Variants in NBPF11 observed in about 807,000 individuals in gnomAD.
NBPF11 encodes the protein NBPF family member NBPF11.
Under a neutral mutation model 93.9 loss-of-function variants are expected in NBPF11, and 72 were observed. That is an observed-to-expected ratio of 0.77 (90% CI 0.63 to 0.93). NBPF11 has a LOEUF of 0.93. Among genes scored for constraint, NBPF11 ranks in the 40% least tolerant of loss-of-function variants. The pLI is 0.00. For missense variants in NBPF11, 705 were observed against 802.2 expected (o/e 0.88, Z 1.46); for synonymous variants, 224 against 304.9 (o/e 0.73, Z 2.76).
chr1:148,122,707 G>A (rs1468721792), intron 8 of NBPF11, 22 bp downstream of exon 8: 9 of 1,607,956 alleles, frequency 5.6e-6, no homozygotes, highest in Non-Finnish European at 7.7e-6. Flanking sequence ...CCCATTACTT[G>A]CTCCTGAGTA....
chr1:148,124,792 C>T lies in NBPF11; in HGVS notation c.278+107G>A, dbSNP rs1354929047. On this transcript the variant is annotated intron_variant, in intron 6 of 23. Transcript: ENST00000682118. Reference sequence around the variant, plus strand: ...TGTCATGAGCCTGCCATGGCAATTTCTGCCCTTCCCCTGGCCCAGCTTCGT... The same window carrying T: ...TGTCATGAGCCTGCCATGGCAATTTTTGCCCTTCCCCTGGCCCAGCTTCGT... The T allele has an allele frequency of 2.7e-3, 2,899 of 1,083,062 alleles. 19 individuals are homozygous for T. In the East Asian group the frequency reaches 0.029, roughly 11 times the overall value. The allele number at this position is 1,083,062 out of a possible 1,614,324, so 67.1% of individuals were successfully genotyped here. A position where few individuals can be genotyped will look rare whatever the true frequency, so the allele number is the denominator to read the frequency against.
chr1:148,105,311 A>T, intron 22 of NBPF11, 49 bp downstream of exon 22: 1 of 738,966 alleles, frequency 1.4e-6, no homozygotes, highest in South Asian at 1.4e-5. Flanking sequence ...TATGATCTTT[A>T]TATGGAAGAC....
chr1:148,106,795 A>T, intron 20 of NBPF11, 147 bp downstream of exon 20: 1 of 695,018 alleles, frequency 1.4e-6, no homozygotes, highest in Non-Finnish European at 2.6e-6. Context: ...AGCTGAGACT[A>T]CAGTTTCATT....
chr1:148,148,666 G>A (rs1647368090), intron 1 of NBPF11, among the ~76,000 whole-genome samples: 2 of 152,032 alleles, frequency 1.3e-5, no homozygotes, highest in Non-Finnish European at 2.9e-5. Flanking sequence ...GACATTTGGG[G>A]ACACAGCTGC....
intron 1 of NBPF11, among the ~76,000 whole-genome samples, chr1:148,143,932 C>A (rs1445337170): frequency 6.8e-6 from 1 of 147,118 alleles, no homozygotes; most frequent in Non-Finnish European, 1.5e-5. Flanking sequence ...TGGTGGCGCA[C>A]ACTTGCACTC....
intron 15 of NBPF11, among the ~76,000 whole-genome samples, chr1:148,111,395 G>C (rs1222059570): frequency 6.6e-6 from 1 of 152,056 alleles, no homozygotes; most frequent in African/African-American, 2.4e-5. Context: ...GCAGGATAGA[G>C]AATGACTTTG....
At chr1:148,145,473 G>A (rs1672850964) in intron 1 of NBPF11, among the ~76,000 whole-genome samples, 1 of 143,660 alleles carries the variant, frequency 7.0e-6, no homozygotes, top group African/African-American at 2.6e-5. Context: ...GCCTCCCACA[G>A]TGCTGGGATT....
At position 148,116,608 on chromosome 1, in the gene NBPF11, A is replaced by G; in HGVS notation, c.1307-73T>C. The G allele has an allele frequency of 8.0e-6, 5 of 622,990 alleles. 1 individual carries two copies. In the East Asian group the frequency reaches 1.4e-4, roughly 17 times the overall value. 38.6% of individuals were successfully genotyped at this position (622,990 alleles called of 1,614,324 possible). ...GCAAGCACAGTCAGCCCAATGTGCA[A>G]CAGGGACATGAACATCTAGGCATGG... On this transcript the variant is annotated intron_variant, in intron 12 of 23. Transcript: ENST00000682118.
chr1:148,150,494 G>C (rs1264619447), intron 1 of NBPF11, among the ~76,000 whole-genome samples: 6 of 148,790 alleles, frequency 4.0e-5, no homozygotes, highest in African/African-American at 1.5e-4. Flanking sequence ...AAATCTTAAA[G>C]CTAGCATTTT....
At chr1:148,117,038 T>G (rs3992638) in intron 12 of NBPF11, among the ~76,000 whole-genome samples, 1 of 152,206 alleles carries the variant, frequency 6.6e-6, no homozygotes, top group Non-Finnish European at 1.5e-5. Flanking sequence ...TACCACAAAA[T>G]GCCCCCACAT....
chr1:148,103,673 T>G lies in NBPF11; in HGVS notation c.*223A>C, dbSNP rs1662812956. Reference sequence around the variant, plus strand: ...TCTCGGCTTAGTAAGGGCTGCTTATTGTGGGAATATGACTCCCATCTGGAA... The same window carrying G: ...TCTCGGCTTAGTAAGGGCTGCTTATGGTGGGAATATGACTCCCATCTGGAA... On this transcript the variant is annotated 3_prime_UTR_variant, in exon 24 of 24. Coordinates refer to ENST00000682118, the MANE Select transcript of NBPF11 (RefSeq NM_001385469.3). The G allele has an allele frequency of 6.2e-7, 1 of 1,611,116 alleles. No individual in the cohort carries two copies. The highest frequency in any genetic ancestry group is 1.3e-5 in the African/African-American group (1 of 74,750).
intron 16 of NBPF11, 53 bp from the exon 17 acceptor site, chr1:148,109,388 A>G: frequency 1.1e-6 from 1 of 906,088 alleles, no homozygotes; most frequent in Non-Finnish European, 1.8e-6. Context: ...TTCCTTGCAC[A>G]CAGAAACATT....
chr1:148,115,164 CAAAAAAAAAAAAAAAAAAAAAA>C (rs57869119), intron 14 of NBPF11, among the ~76,000 whole-genome samples: 3 of 12,160 alleles, frequency 2.5e-4, no homozygotes, highest in Non-Finnish European at 3.9e-4. Flanking sequence ...GACTCCATCA[CAAAAAAAAAAAAAAAAAAAAAA>C]AAAAAAAAAA....
Position 148,149,303 on chromosome 1 carries a change from G to T in NBPF11, c.-549+2447C>A. ...CTCGGGCATGCGCGTCGCCTTCCGC[G>T]ACACCAAGAAGACCTACTGCTTCGA... On this transcript the variant is annotated intron_variant, in intron 1 of 23. Transcript: ENST00000682118. The T allele has an allele frequency of 8.1e-6, 13 of 1,596,932 alleles. 1 individual carries two copies. The highest frequency in any genetic ancestry group is 1.1e-5 in the Non-Finnish European group (13 of 1,179,594).
intron 9 of NBPF11, among the ~76,000 whole-genome samples, chr1:148,121,660 T>A (rs1436668731): frequency 2.0e-5 from 3 of 151,792 alleles, no homozygotes; most frequent in Admixed American, 1.3e-4. Context: ...CAGCCAAGAC[T>A]TATTAATAGC....
chr1:148,124,247 C>T (rs1668559711), intron 6 of NBPF11, among the ~76,000 whole-genome samples, 180 bp from the exon 7 acceptor site: 1 of 151,792 alleles, frequency 6.6e-6, no homozygotes, highest in Non-Finnish European at 1.5e-5. Flanking sequence ...CAGGCTTTCC[C>T]TCTATCAGAG....
At chr1:148,141,100 A>G (rs1167201606) in intron 2 of NBPF11, among the ~76,000 whole-genome samples, 6 of 152,062 alleles carry the variant, frequency 3.9e-5, no homozygotes, top group South Asian at 2.1e-4. Flanking sequence ...TGGAAAGTCA[A>G]AAAGATAGAA....
At chr1:148,118,764 C>A in intron 10 of NBPF11, 42 bp from the exon 11 acceptor site, 1 of 1,557,326 alleles carries the variant, frequency 6.4e-7, no homozygotes. Context: ...GAAGGCTGGA[C>A]ATGCTGCTGT....
At chr1:148,147,350 G>T (rs1406741161) in intron 1 of NBPF11, among the ~76,000 whole-genome samples, 6 of 152,054 alleles carry the variant, frequency 3.9e-5, no homozygotes, top group African/African-American at 1.5e-4. Flanking sequence ...GGCCCATGAG[G>T]CCCTGTGGCT....
Sources: gnomAD v4.1 joint callset for allele counts (sites outside exome capture counted in the v4.1 genomes callset) on GRCh38, gnomAD v4.1.1 for gene constraint, MANE v1.5 for transcripts, NCBI Gene and HGNC (gene_info 2026-07-23, HGNC 2026-07-21) for gene names.